Variants in SDC2 observed in about 807,000 individuals in gnomAD.
SDC2 encodes syndecan-2.
SDC2 carries 13 observed loss-of-function variants against 22.2 expected under a neutral mutation model. The observed-to-expected ratio is 0.59, with a 90% confidence interval of 0.38 to 0.93. SDC2 has a LOEUF of 0.93. SDC2 is among the 40% of genes least tolerant of loss of function. The probability of loss-of-function intolerance (pLI) is 0.00; values close to 1 mark genes in which losing one functional copy is unlikely to be tolerated. For missense variants in SDC2, 235 were observed against 246.8 expected, an observed-to-expected ratio of 0.95 and a Z score of 0.32; for synonymous variants, 94 against 92.8, an observed-to-expected ratio of 1.01 and a Z score of -0.07.
intron 1 of SDC2, among the ~76,000 whole-genome samples, chr8:96,579,201 G>A (rs1358997692): frequency 6.6e-6 from 1 of 152,152 alleles, no homozygotes; most frequent in Admixed American, 6.5e-5. Context: ...TTTATGTATG[G>A]CATTTTAATA....
chr8:96,548,724 G>T (rs374456514), intron 1 of SDC2, among the ~76,000 whole-genome samples: 1 of 152,244 alleles, frequency 6.6e-6, no homozygotes. Flanking sequence ...CACCAGAAAC[G>T]GGCCAATGAA....
At chr8:96,593,061 G>A (rs748393977) in intron 1 of SDC2, among the ~76,000 whole-genome samples, 3 of 152,216 alleles carry the variant, frequency 2.0e-5, no homozygotes, top group Non-Finnish European at 2.9e-5. Context: ...AAGCTAAGCC[G>A]TAATACCTTT....
intron 1 of SDC2, among the ~76,000 whole-genome samples, chr8:96,558,031 G>T (rs139934750): frequency 1.1e-3 from 165 of 152,042 alleles, no homozygotes; most frequent in African/African-American, 3.8e-3. Context: ...GCCCATAATT[G>T]GTACACATGA....
intron 1 of SDC2, among the ~76,000 whole-genome samples, chr8:96,517,639 A>G (rs1813422191): frequency 6.6e-6 from 1 of 152,256 alleles, no homozygotes; most frequent in East Asian, 1.9e-4. Flanking sequence ...TATATTGACC[A>G]TAAATGTAGG....
intron 1 of SDC2, among the ~76,000 whole-genome samples, chr8:96,565,331 C>T (rs751590719): frequency 5.3e-5 from 8 of 151,244 alleles, no homozygotes; most frequent in African/African-American, 9.7e-5. Flanking sequence ...GTGATCTGCC[C>T]GCCTCAGCCT....
chr8:96,605,824 C>T (rs1432252294), intron 3 of SDC2, among the ~76,000 whole-genome samples: 2 of 152,182 alleles, frequency 1.3e-5, no homozygotes, highest in East Asian at 1.9e-4. Flanking sequence ...TCCACCTGGT[C>T]TAGCTTATGG....
At chr8:96,601,130 C>T (rs952730005) in intron 2 of SDC2, among the ~76,000 whole-genome samples, 25 of 152,128 alleles carry the variant, frequency 1.6e-4, no homozygotes, top group African/African-American at 5.3e-4. Flanking sequence ...AAGCAGATGG[C>T]ACTTGACAGT....
chr8:96,581,191 AAAT>A (rs1005615454), intron 1 of SDC2, among the ~76,000 whole-genome samples: 1 of 152,354 alleles, frequency 6.6e-6, no homozygotes, highest in African/African-American at 2.4e-5. Context: ...CGGGGGCAAA[AAAT>A]AATAATATGT....
At chr8:96,575,388 G>C (rs1431325220) in intron 1 of SDC2, among the ~76,000 whole-genome samples, 1 of 150,356 alleles carries the variant, frequency 6.7e-6, no homozygotes, top group Non-Finnish European at 1.5e-5. Context: ...GGGGTAGGGT[G>C]GGGTGGTGGC....
chr8:96,580,896 C>T (rs941908574), intron 1 of SDC2, among the ~76,000 whole-genome samples: 1 of 152,138 alleles, frequency 6.6e-6, no homozygotes, highest in East Asian at 1.9e-4. Flanking sequence ...TTGAATTTAG[C>T]ATCACTTTTC....
At chr8:96,576,345 A>G (rs1814491226) in intron 1 of SDC2, among the ~76,000 whole-genome samples, 1 of 137,432 alleles carries the variant, frequency 7.3e-6, no homozygotes, top group Admixed American at 7.3e-5. Context: ...TATTCTCCAC[A>G]TAAGTTCAAT....
At chr8:96,548,307 G>A (rs1813969151) in intron 1 of SDC2, among the ~76,000 whole-genome samples, 2 of 152,168 alleles carry the variant, frequency 1.3e-5, no homozygotes, top group South Asian at 4.2e-4. Context: ...TTACAGGTTG[G>A]GCATCCCAAA....
At chr8:96,602,560 C>T in intron 3 of SDC2, 32 bp downstream of exon 3, 13 of 1,610,266 alleles carry the variant, frequency 8.1e-6, no homozygotes, top group Non-Finnish European at 1.1e-5. Context: ...ATTGCATTAT[C>T]AGGTTATTAC....
intron 1 of SDC2, among the ~76,000 whole-genome samples, chr8:96,510,971 C>G (rs562043614): frequency 6.6e-6 from 1 of 152,192 alleles, no homozygotes; most frequent in South Asian, 2.1e-4. Flanking sequence ...AGGTCTGTTA[C>G]AAGGAGTAAC....
chr8:96,494,940 A>C (rs997405865), intron 1 of SDC2, among the ~76,000 whole-genome samples: 1 of 152,194 alleles, frequency 6.6e-6, no homozygotes, highest in Admixed American at 6.5e-5. Flanking sequence ...GTGGAATCGC[A>C]GTAGGCGATC....
intron 1 of SDC2, among the ~76,000 whole-genome samples, chr8:96,576,888 C>G (rs1814514383): frequency 6.6e-6 from 1 of 152,134 alleles, no homozygotes; most frequent in Non-Finnish European, 1.5e-5. Context: ...TAATATTCAA[C>G]CCATATTTAC....
chr8:96,494,958 G>T (rs1160748815), intron 1 of SDC2, among the ~76,000 whole-genome samples: 3 of 152,224 alleles, frequency 2.0e-5, no homozygotes, highest in Admixed American at 2.0e-4. Flanking sequence ...ATCCCTCAAG[G>T]GGATACTGGG....
At chr8:96,591,803 G>C (rs1814786116) in intron 1 of SDC2, among the ~76,000 whole-genome samples, 1 of 151,998 alleles carries the variant, frequency 6.6e-6, no homozygotes, top group African/African-American at 2.4e-5. Context: ...GAGCACGAAT[G>C]GTGGTTCAAC....
intron 1 of SDC2, among the ~76,000 whole-genome samples, chr8:96,552,667 G>C (rs2130541207): frequency 6.6e-6 from 1 of 152,240 alleles, no homozygotes; most frequent in African/African-American, 2.4e-5. Flanking sequence ...GAAGTTTTTA[G>C]ATTTTTGTCA....
Sources: allele counts gnomAD v4.1 joint callset (sites outside exome capture counted in the v4.1 genomes callset), GRCh38; gene constraint gnomAD v4.1.1; transcripts MANE v1.5; gene names NCBI Gene and HGNC (gene_info 2026-07-23, HGNC 2026-07-21).